The following MORC2 variants were observed in gnomAD, a reference collection of about 807,000 sequenced individuals.
The protein encoded by MORC2 is ATPase MORC2.
A neutral mutation model predicts 136.0 loss-of-function variants in MORC2; 30 were observed. The observed-to-expected ratio is 0.22, with a 90% CI of 0.17 to 0.30. MORC2 has a LOEUF of 0.30. MORC2 is among the 10% of genes least tolerant of loss of function. The pLI is 1.00. For synonymous variants in MORC2, 439 were observed against 487.0 expected, an observed-to-expected ratio of 0.90 and a Z score of 1.30; for missense variants, 922 against 1,333.1, an observed-to-expected ratio of 0.69 and a Z score of 4.80.
At chr22:30,949,662 A>C in intron 5 of MORC2, 90 bp downstream of exon 5, 1 of 1,096,274 alleles carries the variant, frequency 9.1e-7, no homozygotes, top group Non-Finnish European at 1.4e-6. Context: ...CAATAGAGGG[A>C]CAAGGAGAAG....
rs1482880426 is a variant in MORC2 at position 30,940,814 on chromosome 22, C to T, written c.848G>A (p.Arg283His). The T allele has an allele frequency of 2.7e-5, 43 of 1,613,970 alleles. No individual in the cohort carries two copies. The highest frequency in any genetic ancestry group is 1.8e-4 in the East Asian group (8 of 44,874). Residue 283 changes from arginine to histidine, a missense_variant, in exon 10 of 26, where the codon CGT becomes CAT. Physicochemically the swap from Arg to His is conservative, Grantham distance 29. Coordinates refer to ENST00000397641, the MANE Select transcript of MORC2 (RefSeq NM_001303256.3). The stretch of plus-strand genomic sequence containing the variant: ...CTCCTGCTCCGCACGGGTCTTGAAA[C>T]GGCTTGACGTGTACTTGTACATCCT... ...KPRMYKYTSS[R>H]FKTRAEQEVK...
chr22:30,966,710 G>A (rs191312567), intron 1 of MORC2, among the ~76,000 whole-genome samples: 1 of 152,210 alleles, frequency 6.6e-6, no homozygotes, highest in Admixed American at 6.5e-5. Context: ...CCTGGGAGGT[G>A]AAGGTTGCAG....
intron 5 of MORC2, among the ~76,000 whole-genome samples, chr22:30,949,233 T>A (rs539011548): frequency 6.6e-6 from 1 of 152,220 alleles, no homozygotes; most frequent in Non-Finnish European, 1.5e-5. Flanking sequence ...CCCATGGGAT[T>A]TGAAGACATT....
At chr22:30,951,796 A>G (rs1432234940) in intron 3 of MORC2, among the ~76,000 whole-genome samples, 4 of 152,142 alleles carry the variant, frequency 2.6e-5, no homozygotes, top group Admixed American at 2.6e-4. Context: ...TTATTAATGT[A>G]AATTAAAATG....
Position 30,932,246 on chromosome 22 carries a change from G to T in MORC2, c.2841+113C>A. On this transcript the variant is annotated intron_variant, in intron 24 of 25. Transcript: ENST00000397641. The surrounding 1 kb of genome is among the most constrained non-coding windows in gnomAD (Gnocchi z 4.4). ...GCTGGCTGAGATGGAGCACACAGCT[G>T]AGAGCTAGCAACTGCAACAAGCGTA... 1.1e-6 allele frequency: 1 copy of T among 933,504 alleles called. No homozygotes were observed. The highest frequency in any genetic ancestry group is 1.6e-5 in the African/African-American group (1 of 60,864). 57.8% of individuals were successfully genotyped at this position (933,504 alleles called of 1,614,324 possible). A position where few individuals can be genotyped will look rare whatever the true frequency, so the allele number is the denominator to read the frequency against.
Position 30,968,487 on chromosome 22 carries a change from C to T in MORC2, c.-598G>A, listed in dbSNP as rs180896176. The stretch of plus-strand genomic sequence containing the variant: ...AAGTGAAAAAGCTCCTAGGCACTCA[C>T]GATTTCTTTTTTCAAAGCCGGACCA... On this transcript the variant is annotated 5_prime_UTR_variant, in exon 1 of 26. The change creates a new upstream start codon in the 5' untranslated region. Transcript: ENST00000397641. Among the ~76,000 whole-genome samples, 1 of 152,278 alleles carries T rather than the reference C, an allele frequency of 6.6e-6. No individual in the cohort carries two copies. Among genetic ancestry groups the T allele is most frequent in the East Asian group, 1.9e-4 (1 of 5,182 alleles).
At chr22:30,951,865 G>T (rs1569200060) in intron 3 of MORC2, among the ~76,000 whole-genome samples, 1 of 152,004 alleles carries the variant, frequency 6.6e-6, no homozygotes, top group East Asian at 1.9e-4. Flanking sequence ...GAGTGCAACG[G>T]CGTGATCTCG....
rs2041154685 is a variant in MORC2 at position 30,967,964 on chromosome 22, A to C, written c.-75T>G. 4 of 1,312,382 alleles carry C rather than the reference A, an allele frequency of 3.0e-6. No homozygotes were observed. The African/African-American group carries it at 5.9e-5, about 19-fold the overall frequency. 81.3% of individuals were successfully genotyped at this position (1,312,382 alleles called of 1,614,324 possible). On this transcript the variant is annotated 5_prime_UTR_variant, in exon 1 of 26. Transcript: ENST00000397641. ...CTTATAATGATATCGATTTCCCAGG[A>C]TTCTGTCCAGTAAAGCTTCAGTAAG...
chr22:30,942,156 T>G lies in MORC2; in HGVS notation c.542A>C (p.Glu181Ala). 1.9e-6 allele frequency: 3 copies of G among 1,614,174 alleles called. No individual in the cohort carries two copies. The change falls in exon 7 of 26, where the codon GAG (glutamate) becomes GCG (alanine). Residue 181 changes from glutamate (E) to alanine (A), a missense_variant. This residue lies in a region of MORC2 where 261 missense variants were observed against 354.3 expected (regional missense o/e 0.74). Coordinates refer to ENST00000397641, the MANE Select transcript of MORC2 (RefSeq NM_001303256.3). Reference sequence around the variant, plus strand: ...CATAAACTGGGTCATCACTTCCTCCTCAGTGCGGAATGGAGAGTACTTATA... The same window carrying G: ...CATAAACTGGGTCATCACTTCCTCCGCAGTGCGGAATGGAGAGTACTTATA... ...LIYKYSPFRT[E>A]EEVMTQFMKI...
At chr22:30,958,565 C>A in intron 2 of MORC2, 76 bp downstream of exon 2, 1 of 1,209,702 alleles carries the variant, frequency 8.3e-7, no homozygotes, top group South Asian at 1.4e-5. Flanking sequence ...CCTCTCAAGT[C>A]TTCAGAGAGC....
At chr22:30,960,175 C>G (rs966762413) in intron 1 of MORC2, among the ~76,000 whole-genome samples, 3 of 152,164 alleles carry the variant, frequency 2.0e-5, no homozygotes, top group Non-Finnish European at 4.4e-5. Context: ...CCATGTTGGC[C>G]AGGCTGGTCT....
Position 30,961,563 on chromosome 22 carries a change from GT to G in MORC2, c.69-2870del, listed in dbSNP as rs2041045628. ...CCCAATTCTTCTCATTTCAACATGA[GT>G]TTGTACTTTTAACGTAAATCAAGGA... is the stretch of plus-strand genomic sequence containing the variant. On this transcript the variant is annotated intron_variant, in intron 1 of 25. Coordinates refer to ENST00000397641, the MANE Select transcript of MORC2 (RefSeq NM_001303256.3). 2.6e-5 allele frequency among the ~76,000 whole-genome samples: 4 copies of G among 152,232 alleles called. No homozygotes were observed. In the South Asian group the frequency reaches 8.3e-4, roughly 32 times the overall value.
chr22:30,958,763 G>T (rs2041002410), intron 1 of MORC2, 69 bp from the exon 2 acceptor site: 1 of 1,350,470 alleles, frequency 7.4e-7, no homozygotes, highest in East Asian at 2.5e-5. Context: ...AAAAGCCATG[G>T]TTATAAAATA....
chr22:30,949,720 T>G, intron 5 of MORC2, 32 bp downstream of exon 5: 57 of 1,558,828 alleles, frequency 3.7e-5, no homozygotes, highest in Non-Finnish European at 4.8e-5. Context: ...GGATTTTGTT[T>G]GAGCCCTGTG....
Position 30,937,880 on chromosome 22 carries a change from T to A in MORC2, c.1304A>T (p.Glu435Val), listed in dbSNP as rs2040679510. Reference protein sequence around the residue: ...HNKQDFADAKEYRHLLRAMGE... With the variant: ...HNKQDFADAKVYRHLLRAMGE... The stretch of plus-strand genomic sequence containing the variant: ...CATTGCTCGGAGCAGGTGCCGGTAC[T>A]CCTTGGCATCAGCAAAGTCCTGTTT... Residue 435 changes from glutamate to valine, a missense_variant, in exon 14 of 26, where the codon GAG (glutamate) becomes GTG (valine). By Grantham distance (121) the Glu-to-Val change is moderately radical (BLOSUM62 -2). Coordinates refer to ENST00000397641, the MANE Select transcript of MORC2 (RefSeq NM_001303256.3). The surrounding 1 kb of genome is among the most constrained non-coding windows in gnomAD (Gnocchi z 4.7). 2.5e-6 allele frequency: 4 copies of A among 1,614,130 alleles called. No individual in the cohort carries two copies. Among genetic ancestry groups the A allele is most frequent in the Non-Finnish European group, 3.4e-6 (4 of 1,180,026 alleles).
At position 30,960,544 on chromosome 22, in the gene MORC2, A is replaced by G. The variant is rs5994358; in HGVS notation, c.69-1850T>C. 2.0e-3 allele frequency among the ~76,000 whole-genome samples: 302 copies of G among 151,654 alleles called. 2 individuals carry two copies. Among genetic ancestry groups the G allele is most frequent in the African/African-American group, 6.9e-3 (283 of 41,300 alleles). On this transcript the variant is annotated intron_variant, in intron 1 of 25. Coordinates refer to ENST00000397641, the MANE Select transcript of MORC2 (RefSeq NM_001303256.3). ...CCTCTTGTTGCCCAGGCTGGAGTGCAATGGCGCAATCTCCGCTCACTGCAA... is the reference window on the plus strand; with the variant it reads ...CCTCTTGTTGCCCAGGCTGGAGTGCGATGGCGCAATCTCCGCTCACTGCAA...
chr22:30,965,528 T>C (rs1197340260), intron 1 of MORC2, among the ~76,000 whole-genome samples: 3 of 152,216 alleles, frequency 2.0e-5, no homozygotes, highest in Non-Finnish European at 2.9e-5. Context: ...GTAGGACTAA[T>C]ACATCAAAAA....
Position 30,941,544 on chromosome 22 carries a change from C to G in MORC2, c.713G>C (p.Arg238Pro). 1 of 1,613,390 alleles carries G rather than the reference C, an allele frequency of 6.2e-7. No individual in the cohort carries two copies. Among genetic ancestry groups the G allele is most frequent in the Non-Finnish European group, 8.5e-7 (1 of 1,179,488 alleles). The stretch of plus-strand genomic sequence containing the variant: ...CACAGCGGCATAGGCACGGAACGAG[C>G]GCCGCTCTGGCTTCCTGGAGAGGGC... ...TSPEGTKPERRSFRAYAAVLY... is the reference protein window; with the variant it reads ...TSPEGTKPERPSFRAYAAVLY... Residue 238 changes from arginine to proline, a missense_variant, in exon 9 of 26, where the codon CGC becomes CCC. Arg to Pro is a moderately radical substitution (Grantham distance 103). Coordinates refer to ENST00000397641, the MANE Select transcript of MORC2 (RefSeq NM_001303256.3). The surrounding 1 kb of genome is among the most constrained non-coding windows in gnomAD (Gnocchi z 4.6).
intron 1 of MORC2, among the ~76,000 whole-genome samples, chr22:30,961,820 C>T (rs529233345): frequency 1.7e-4 from 26 of 152,230 alleles, no homozygotes; most frequent in Admixed American, 1.4e-3. Context: ...ACATATTTTC[C>T]GATAGCATCC....
Sources: gnomAD v4.1 joint callset for allele counts (sites outside exome capture counted in the v4.1 genomes callset) on GRCh38, gnomAD v4.1.1 for gene constraint, gnomAD v4.1.1 regional missense constraint, Gnocchi (gnomAD v3.1) non-coding constraint, MANE v1.5 for transcripts, NCBI Gene and HGNC (gene_info 2026-07-23, HGNC 2026-07-21) for gene names.